Variants in SCMH1 observed in about 807,000 individuals in gnomAD.
SCMH1 encodes Scm polycomb group protein homolog 1.
In SCMH1, 37 loss-of-function variants were observed where a neutral mutation model predicts 70.8. The observed-to-expected ratio is 0.52, with a 90% confidence interval of 0.40 to 0.69. The LOEUF (loss-of-function observed/expected upper bound fraction) is 0.69, where lower values mean the gene tolerates loss of function less well. SCMH1 is among the 30% of genes least tolerant of loss of function. The probability of loss-of-function intolerance (pLI) is 0.00; values close to 1 mark genes in which losing one functional copy is unlikely to be tolerated. For missense variants in SCMH1, 607 were observed against 827.3 expected (o/e 0.73, Z 3.27); for synonymous variants, 292 against 307.4 (o/e 0.95, Z 0.52).
intron 10 of SCMH1, among the ~76,000 whole-genome samples, chr1:41,056,772 T>G (rs1362651558): frequency 6.6e-6 from 1 of 152,160 alleles, no homozygotes; most frequent in African/African-American, 2.4e-5. Flanking sequence ...AGATTAAAAC[T>G]CCAGGGAGTC....
At chr1:41,054,989 C>T (rs887143570) in intron 10 of SCMH1, among the ~76,000 whole-genome samples, 1 of 152,142 alleles carries the variant, frequency 6.6e-6, no homozygotes, top group Non-Finnish European at 1.5e-5. Flanking sequence ...CACTATGTTG[C>T]CCAGGCTGGT....
At chr1:41,065,821 G>A (rs2148841387) in intron 10 of SCMH1, among the ~76,000 whole-genome samples, 1 of 152,140 alleles carries the variant, frequency 6.6e-6, no homozygotes, top group South Asian at 2.1e-4. Flanking sequence ...ACCCCAAAAG[G>A]ATAATAGACC....
intron 1 of SCMH1, among the ~76,000 whole-genome samples, chr1:41,236,813 C>T (rs551933201): frequency 1.4e-4 from 21 of 152,212 alleles, no homozygotes; most frequent in Non-Finnish European, 2.6e-4. Context: ...AGAAAAAAGT[C>T]TGTACATGTT....
At chr1:41,221,035 G>C (rs1557857836) in intron 1 of SCMH1, among the ~76,000 whole-genome samples, 1 of 152,100 alleles carries the variant, frequency 6.6e-6, no homozygotes, top group East Asian at 1.9e-4. Context: ...AGATTGAAAA[G>C]ATTAAACAAA....
In SCMH1 at chr1:41,112,437, C is replaced by A. The variant is rs138563852; in HGVS notation, c.745+846G>T. Reference sequence around the variant, plus strand: ...AAAAGCAGCTACCTCAAAATCTATTCTGGACCTTCTCCACTGTCATCATCT... The same window carrying A: ...AAAAGCAGCTACCTCAAAATCTATTATGGACCTTCTCCACTGTCATCATCT... On this transcript the variant is annotated intron_variant, in intron 8 of 14. Transcript: ENST00000337495. 5.4e-3 allele frequency among the ~76,000 whole-genome samples: 825 copies of A among 152,188 alleles called. 8 individuals are homozygous for A. The highest frequency in any genetic ancestry group is 0.019 in the African/African-American group (795 of 41,532).
chr1:41,078,350 C>T (rs1246369051), intron 8 of SCMH1, among the ~76,000 whole-genome samples: 1 of 152,084 alleles, frequency 6.6e-6, no homozygotes, highest in Non-Finnish European at 1.5e-5. Context: ...ACAGCGGAGA[C>T]TTAATCTCTA....
At chr1:41,116,861 C>G (rs1001659104) in intron 7 of SCMH1, 61 bp downstream of exon 7, 6 of 1,356,890 alleles carry the variant, frequency 4.4e-6, no homozygotes, top group Non-Finnish European at 5.1e-6. Flanking sequence ...ATGTGGACAT[C>G]AAAGTCTCAA....
intron 10 of SCMH1, among the ~76,000 whole-genome samples, chr1:41,062,738 C>CAGA (rs1653146362): frequency 7.9e-6 from 1 of 126,170 alleles, no homozygotes; most frequent in Non-Finnish European, 1.7e-5. Flanking sequence ...GACTCCATCT[C>CAGA]AGAAAAAAAA....
At chr1:41,099,290 CTCAT>C (rs1665938058) in intron 8 of SCMH1, among the ~76,000 whole-genome samples, 2 of 152,202 alleles carry the variant, frequency 1.3e-5, no homozygotes, top group Admixed American at 1.3e-4. Flanking sequence ...CCTAATCCTT[CTCAT>C]TCTACTCCCA....
chr1:41,180,374 A>G (rs12752779), intron 2 of SCMH1, among the ~76,000 whole-genome samples: 4 of 152,186 alleles, frequency 2.6e-5, no homozygotes, highest in African/African-American at 4.8e-5. Context: ...GGGCAATCAG[A>G]CAGGAGAAGG....
At chr1:41,225,108 T>C (rs1368401315) in intron 1 of SCMH1, among the ~76,000 whole-genome samples, 2 of 152,166 alleles carry the variant, frequency 1.3e-5, no homozygotes, top group African/African-American at 4.8e-5. Context: ...ATTCCAAACT[T>C]TTCAATCAAA....
At chr1:41,200,522 A>G (rs1654109376) in intron 1 of SCMH1, among the ~76,000 whole-genome samples, 1 of 148,198 alleles carries the variant, frequency 6.7e-6, no homozygotes, top group African/African-American at 2.5e-5. Flanking sequence ...ATAATATAAT[A>G]ATAATAATAA....
chr1:41,160,219 T>C (rs1037694705), intron 4 of SCMH1, among the ~76,000 whole-genome samples: 6 of 152,194 alleles, frequency 3.9e-5, no homozygotes. Flanking sequence ...TGAACAAAAA[T>C]TGATACAGGT....
At chr1:41,039,338 A>C (rs1427370380) in intron 12 of SCMH1, among the ~76,000 whole-genome samples, 2 of 152,220 alleles carry the variant, frequency 1.3e-5, no homozygotes, top group African/African-American at 2.4e-5. Context: ...ATCTGGACTG[A>C]TGGCAAGTCA....
intron 8 of SCMH1, among the ~76,000 whole-genome samples, chr1:41,092,179 A>G (rs906868332): frequency 2.0e-5 from 3 of 152,250 alleles, no homozygotes; most frequent in Non-Finnish European, 4.4e-5. Context: ...ACAGAGGTAT[A>G]GACCAATGGA....
chr1:41,116,976 G>A (rs761006580), exon 7 of SCMH1: 16 of 1,605,538 alleles, frequency 1.0e-5, no homozygotes, highest in African/African-American at 1.3e-5. Flanking sequence ...TCTTCAAAAG[G>A]AACATGGGCC....
intron 9 of SCMH1, among the ~76,000 whole-genome samples, chr1:41,071,788 G>A (rs1257652503): frequency 6.6e-6 from 1 of 151,876 alleles, no homozygotes; most frequent in African/African-American, 2.4e-5. Context: ...TCAGCCTCCT[G>A]AGTAACTGGG....
chr1:41,212,357 A>G (rs1657212056), intron 1 of SCMH1, among the ~76,000 whole-genome samples: 4 of 152,182 alleles, frequency 2.6e-5, no homozygotes. Flanking sequence ...CTTTTCAAAG[A>G]TTTTTCTGAA....
chr1:41,084,365 T>C (rs1410509857), intron 8 of SCMH1, among the ~76,000 whole-genome samples: 1 of 151,904 alleles, frequency 6.6e-6, no homozygotes, highest in African/African-American at 2.4e-5. Context: ...AGCCAAAAAA[T>C]ACATGAAAAA....
Sources: gnomAD v4.1 joint callset for allele counts (sites outside exome capture counted in the v4.1 genomes callset) on GRCh38, gnomAD v4.1.1 for gene constraint, MANE v1.5 for transcripts, NCBI Gene and HGNC (gene_info 2026-07-23, HGNC 2026-07-21) for gene names.